Variants in NRK observed in about 807,000 individuals in gnomAD.
The protein encoded by NRK is Nik related kinase.
Under a neutral mutation model 125.2 loss-of-function variants are expected in NRK, and 67 were observed. That is an observed-to-expected ratio of 0.54 (90% CI 0.44 to 0.66). The LOEUF (loss-of-function observed/expected upper bound fraction) is 0.66, where lower values mean the gene tolerates loss of function less well. Ranked by LOEUF, NRK falls within the 30% of genes least tolerant of loss-of-function variation. NRK has a pLI of 0.00. For missense variants in NRK, 1,224 were observed against 1,192.9 expected (o/e 1.03, Z -0.38); for synonymous variants, 458 against 429.0 (o/e 1.07, Z -0.84).
Position 105,921,987 on chromosome X carries a change from C to A in NRK, c.2536C>A (p.Pro846Thr). 8.6e-7 allele frequency: 1 copy of A among 1,168,958 alleles called. No homozygotes were observed. Among genetic ancestry groups the A allele is most frequent in the Non-Finnish European group, 1.2e-6 (1 of 859,626 alleles). The change falls in exon 17 of 29, where the codon CCT becomes ACT. Residue 846 changes from proline to threonine, a missense_variant. Pro to Thr is a conservative substitution (Grantham distance 38). Coordinates refer to ENST00000243300, the MANE Select transcript of NRK (RefSeq NM_198465.4). The stretch of plus-strand genomic sequence containing the variant: ...AGAATCTTCTTCTGAGGAAGAAAGT[C>A]CTGTGACTGGAAGGAGGTCTCAGTC... ...ASESSSEEES[P>T]VTGRRSQSSP...
chrX:105,868,333 C>T (rs1220923432), intron 2 of NRK, among the ~76,000 whole-genome samples: 5 of 111,162 alleles, frequency 4.5e-5, no homozygotes, highest in Non-Finnish European at 7.5e-5. Flanking sequence ...TTGGTTTCTA[C>T]GTGCTTCCAT....
intron 16 of NRK, among the ~76,000 whole-genome samples, chrX:105,921,554 A>T (rs1451896444): frequency 3.6e-5 from 4 of 109,869 alleles, no homozygotes; most frequent in Non-Finnish European, 1.9e-5. Context: ...TCTAATAAAT[A>T]CACTGTCGGG....
intron 15 of NRK, 75 bp downstream of exon 15, chrX:105,915,872 A>G (rs974765332): frequency 1.4e-5 from 8 of 555,019 alleles, no homozygotes; most frequent in Non-Finnish European, 2.4e-5. Context: ...TTCATTGATA[A>G]TACACTTTGT....
chrX:105,950,578 GGAGAGA>G (rs749205930), intron 27 of NRK, among the ~76,000 whole-genome samples: 4 of 89,875 alleles, frequency 4.5e-5, no homozygotes, highest in Non-Finnish European at 8.9e-5. Context: ...GTGTGTGTGT[GGAGAGA>G]GAGAGAGAGA....
At chrX:105,829,486 G>A (rs1451952338) in intron 1 of NRK, among the ~76,000 whole-genome samples, 1 of 112,076 alleles carries the variant, frequency 8.9e-6, no homozygotes, top group Non-Finnish European at 1.9e-5. Context: ...ACCACTTTGT[G>A]TATAAATTGG....
chrX:105,888,816 C>T (rs1246293075), intron 5 of NRK, among the ~76,000 whole-genome samples: 2 of 110,860 alleles, frequency 1.8e-5, no homozygotes, highest in South Asian at 3.9e-4. Context: ...GCCATGAGAA[C>T]AGCGTGGGAA....
At chrX:105,835,745 G>T (rs1261332406) in intron 2 of NRK, among the ~76,000 whole-genome samples, 6 of 109,445 alleles carry the variant, frequency 5.5e-5, no homozygotes, top group African/African-American at 2.0e-4. Context: ...AAAAGGAAAG[G>T]AACTGGACCT....
chrX:105,934,159 G>T (rs757014465), intron 19 of NRK, 99 bp from the exon 20 acceptor site: 54 of 466,439 alleles, frequency 1.2e-4, no homozygotes, highest in Non-Finnish European at 1.7e-4. Context: ...AGATGTTATA[G>T]ATCTTGCATT....
intron 24 of NRK, among the ~76,000 whole-genome samples, chrX:105,945,648 C>T (rs186828578): frequency 9.0e-6 from 1 of 111,540 alleles, no homozygotes; most frequent in Non-Finnish European, 1.9e-5. Context: ...AACAGTCTGT[C>T]TAGCCTGATA....
intron 26 of NRK, among the ~76,000 whole-genome samples, chrX:105,946,701 A>AT (rs759281212): frequency 7.2e-5 from 8 of 110,549 alleles, no homozygotes; most frequent in South Asian, 3.8e-4. Context: ...GTCTTGCCTA[A>AT]TTTTTTTTTA....
chrX:105,870,095 GA>G (rs958993034), intron 2 of NRK, among the ~76,000 whole-genome samples: 4 of 110,571 alleles, frequency 3.6e-5, no homozygotes, highest in African/African-American at 6.6e-5. Flanking sequence ...GTAACTGAAA[GA>G]AAAAAAATCC....
At position 105,831,091 on chromosome X, in the gene NRK, G is replaced by A; in HGVS notation, c.95G>A (p.Gly32Asp). The A allele has an allele frequency of 8.6e-7, 1 of 1,156,880 alleles. No individual in the cohort carries two copies. The highest frequency in any genetic ancestry group is 1.2e-6 in the Non-Finnish European group (1 of 851,031). The change falls in exon 2 of 29, where the codon GGC (glycine) becomes GAC (aspartate). Residue 32 changes from glycine (G) to aspartate (D), a missense_variant. By Grantham distance (94) the Gly-to-Asp change is moderately conservative (BLOSUM62 -1). Coordinates refer to ENST00000243300, the MANE Select transcript of NRK (RefSeq NM_198465.4). ...TGIFSLDKTI[G>D]LGTYGRIYLG... ...ATATTCTCACTAGATAAAACCATTG[G>A]CCTTGGTACTTATGGCAGAATCTAT...
chrX:105,930,246 G>A (rs1304822476), intron 19 of NRK, among the ~76,000 whole-genome samples: 1 of 110,246 alleles, frequency 9.1e-6, no homozygotes, highest in Admixed American at 9.6e-5. Flanking sequence ...AGTTCTATAG[G>A]CTCTCTTTAT....
chrX:105,831,269 T>C (rs745612822), intron 2 of NRK, 150 bp downstream of exon 2: 15 of 422,329 alleles, frequency 3.6e-5, no homozygotes, highest in African/African-American at 3.3e-4. Context: ...CCTGTAAGAA[T>C]TACTGTTTAT....
chrX:105,842,296 A>G (rs1330231431), intron 2 of NRK, among the ~76,000 whole-genome samples: 2 of 111,297 alleles, frequency 1.8e-5, no homozygotes, highest in Non-Finnish European at 3.8e-5. Context: ...ACAAGCAGAT[A>G]GTCTTTACAG....
intron 1 of NRK, among the ~76,000 whole-genome samples, chrX:105,826,064 A>C (rs1325896654): frequency 1.0e-5 from 1 of 98,565 alleles, no homozygotes; most frequent in Non-Finnish European, 2.0e-5. Flanking sequence ...CTCTATATAT[A>C]TATATATACA....
intron 2 of NRK, among the ~76,000 whole-genome samples, chrX:105,842,992 C>CA (rs771020107): frequency 9.0e-6 from 1 of 111,538 alleles, no homozygotes; most frequent in South Asian, 3.7e-4. Flanking sequence ...AAACCAGTTA[C>CA]AAAGCTTGGG....
intron 1 of NRK, among the ~76,000 whole-genome samples, chrX:105,825,537 T>C (rs1443628944): frequency 8.9e-6 from 1 of 112,299 alleles, no homozygotes; most frequent in African/African-American, 3.2e-5. Context: ...ACAAAGACCC[T>C]TGAGGGAGGA....
intron 2 of NRK, among the ~76,000 whole-genome samples, chrX:105,850,063 C>G (rs1317424926): frequency 8.9e-6 from 1 of 112,417 alleles, no homozygotes; most frequent in Non-Finnish European, 1.9e-5. Context: ...GGCCCCACCC[C>G]TGCGGCAAAC....
Sources: gnomAD v4.1 joint callset for allele counts (sites outside exome capture counted in the v4.1 genomes callset) on GRCh38, gnomAD v4.1.1 for gene constraint, MANE v1.5 for transcripts, NCBI Gene and HGNC (gene_info 2026-07-23, HGNC 2026-07-21) for gene names.